PRKAR1A: variants seen among roughly 807,000 people sequenced by gnomAD.
The protein encoded by PRKAR1A is protein kinase cAMP-dependent type I regulatory subunit alpha, also known as cAMP-dependent protein kinase type I-alpha regulatory subunit.
Under a neutral mutation model 52.0 loss-of-function variants are expected in PRKAR1A, and 3 were observed. The observed-to-expected ratio is 0.06, with a 90% CI of 0.03 to 0.15. The LOEUF (loss-of-function observed/expected upper bound fraction) is 0.15, where lower values mean the gene tolerates loss of function less well. Among genes scored for constraint, PRKAR1A ranks in the 10% least tolerant of loss-of-function variants. PRKAR1A has a pLI of 1.00. For synonymous variants in PRKAR1A, 188 were observed against 168.4 expected, an observed-to-expected ratio of 1.12 and a Z score of -0.90; for missense variants, 240 against 477.4, an observed-to-expected ratio of 0.50 and a Z score of 4.63.
the PRKAR1A span, chr17:68,457,255 G>A: frequency 1.4e-6 from 2 of 1,476,370 alleles, no homozygotes; most frequent in Non-Finnish European, 1.8e-6. Context: ...CCTCGAGGCG[G>A]AAGCCACAAG....
At chr17:68,465,179 G>C in the PRKAR1A span, among the ~76,000 whole-genome samples, 1 of 151,764 alleles carries the variant, frequency 6.6e-6, no homozygotes, top group African/African-American at 2.4e-5. Context: ...TGATCTGCCC[G>C]CCTCGGCCTT....
the PRKAR1A span, chr17:68,426,253 G>GGGGGCCCCCC: frequency 1.2e-6 from 1 of 841,018 alleles, no homozygotes; most frequent in Non-Finnish European, 1.9e-6. Context: ...GGGGAGCGGG[G>GGGGGCCCCCC]GCTCAAATAA....
intron 4 of PRKAR1A, 71 bp from the exon 5 acceptor site, chr17:68,523,945 T>G (rs2085699523): frequency 6.3e-7 from 1 of 1,596,044 alleles, no homozygotes; most frequent in South Asian, 1.1e-5. Context: ...GGTCTTTAAT[T>G]CTAAGCTTAA....
the PRKAR1A span, among the ~76,000 whole-genome samples, chr17:68,475,829 T>C: frequency 6.6e-6 from 1 of 152,210 alleles, no homozygotes. Context: ...ATTTTCATTA[T>C]AGCCACTTCT....
At chr17:68,470,555 C>G in the PRKAR1A span, among the ~76,000 whole-genome samples, 1 of 152,186 alleles carries the variant, frequency 6.6e-6, no homozygotes, top group African/African-American at 2.4e-5. Context: ...TCTTCGATAT[C>G]CTTTGCTTAG....
At chr17:68,546,977 A>G (rs764829808) in intron 11 of PRKAR1A, among the ~76,000 whole-genome samples, 2 of 152,046 alleles carry the variant, frequency 1.3e-5, no homozygotes, top group Non-Finnish European at 2.9e-5. Context: ...GACTAGGTGT[A>G]TTACCAATGA....
the PRKAR1A span, chr17:68,428,765 G>T: frequency 7.7e-7 from 1 of 1,304,794 alleles, no homozygotes; most frequent in African/African-American, 1.5e-5. Context: ...GTCGTTCTTG[G>T]CGAAGGGACA....
chr17:68,444,937 T>TTTG, the PRKAR1A span, among the ~76,000 whole-genome samples: 1 of 102,270 alleles, frequency 9.8e-6, no homozygotes, highest in South Asian at 3.2e-4. Flanking sequence ...TTTTTTTTTT[T>TTTG]TGAGAAGGAG....
chr17:68,487,097 C>T, the PRKAR1A span, among the ~76,000 whole-genome samples: 2 of 152,268 alleles, frequency 1.3e-5, no homozygotes, highest in Admixed American at 6.5e-5. Flanking sequence ...TGGTCTCGAA[C>T]TCCTGACCTC....
chr17:68,531,302 G>T lies in PRKAR1A; in HGVS notation c.*853G>T. The T allele has an allele frequency of 9.4e-7, 1 of 1,066,028 alleles. No homozygotes were observed. The highest frequency in any genetic ancestry group is 1.1e-6 in the Non-Finnish European group (1 of 879,460). 66.0% of individuals were successfully genotyped at this position (1,066,028 alleles called of 1,614,324 possible). ...ATAAGAATTTGAGGTCTACATTCTT[G>T]GTTGTTAATTTAGAGCGTTTGGTTA... On this transcript the variant is annotated 3_prime_UTR_variant, in exon 11 of 11. Transcript: ENST00000589228.
chr17:68,453,106 C>A, the PRKAR1A span: 1 of 755,644 alleles, frequency 1.3e-6, no homozygotes, highest in Non-Finnish European at 2.3e-6. Flanking sequence ...CAAGCATCTG[C>A]AGGAGCTTAG....
the PRKAR1A span, among the ~76,000 whole-genome samples, chr17:68,467,568 G>A: frequency 2.0e-5 from 3 of 152,178 alleles, no homozygotes; most frequent in Admixed American, 2.0e-4. Context: ...CATTCTCACT[G>A]AGTCAAAGCC....
At chr17:68,546,548 T>C (rs528501275) in intron 11 of PRKAR1A, among the ~76,000 whole-genome samples, 16 of 152,018 alleles carry the variant, frequency 1.1e-4, no homozygotes, top group Admixed American at 2.6e-4. Flanking sequence ...TTGTAAGACT[T>C]GGCTGGGCGT....
chr17:68,529,030 A>G (rs1321447627), intron 9 of PRKAR1A, 39 bp downstream of exon 9: 3 of 1,612,002 alleles, frequency 1.9e-6, no homozygotes, highest in Non-Finnish European at 2.5e-6. Context: ...TTTTAGAGGT[A>G]AAGAACTCAG....
chr17:68,493,348 G>C, the PRKAR1A span, among the ~76,000 whole-genome samples: 11 of 152,048 alleles, frequency 7.2e-5, no homozygotes, highest in Non-Finnish European at 1.6e-4. Context: ...AAATACACTT[G>C]GAAGAGGGCC....
downstream of PRKAR1A, among the ~76,000 whole-genome samples, chr17:68,533,640 A>G (rs997608746): frequency 6.6e-6 from 1 of 152,366 alleles, no homozygotes; most frequent in African/African-American, 2.4e-5. Context: ...CTGGCAGTGT[A>G]TGTTTAGATG....
chr17:68,414,251 T>C, the PRKAR1A span: 1 of 152,232 alleles, frequency 6.6e-6, no homozygotes, highest in South Asian at 2.1e-4. Context: ...GTCAAATGCT[T>C]TTACTGCATC....
At chr17:68,440,944 C>T in the PRKAR1A span, 1 of 152,210 alleles carries the variant, frequency 6.6e-6, no homozygotes, top group Non-Finnish European at 1.5e-5. Flanking sequence ...GCCCTATGCT[C>T]CTACAAAAGG....
chr17:68,417,386 G>A, the PRKAR1A span, among the ~76,000 whole-genome samples: 17 of 152,180 alleles, frequency 1.1e-4, no homozygotes, highest in Admixed American at 2.6e-4. Flanking sequence ...AGGATGAAGA[G>A]ATTTTTCTCC....
Sources: gnomAD v4.1 joint callset for allele counts (sites outside exome capture counted in the v4.1 genomes callset) on GRCh38, gnomAD v4.1.1 for gene constraint, MANE v1.5 for transcripts, NCBI Gene and HGNC (gene_info 2026-07-23, HGNC 2026-07-21) for gene names.